FUNDC1: variants seen among roughly 807,000 people sequenced by gnomAD.
The protein encoded by FUNDC1 is FUN14 domain containing 1.
In FUNDC1, 10 loss-of-function variants were observed where a neutral mutation model predicts 14.5. The ratio of observed to expected loss-of-function variants is 0.69; its 90% CI spans 0.43 to 1.17. The LOEUF (loss-of-function observed/expected upper bound fraction) is 1.17, where lower values mean the gene tolerates loss of function less well. FUNDC1 is among the 50% of genes most tolerant of loss of function. The pLI, the probability that FUNDC1 is intolerant of heterozygous loss-of-function variation, is 0.00. For missense variants in FUNDC1, 115 were observed against 113.8 expected, an observed-to-expected ratio of 1.01 and a Z score of -0.05; for synonymous variants, 33 against 39.7, an observed-to-expected ratio of 0.83 and a Z score of 0.64.
chrX:44,541,201 G>A (rs1183509945), intron 2 of FUNDC1, among the ~76,000 whole-genome samples: 1 of 112,220 alleles, frequency 8.9e-6, no homozygotes, highest in African/African-American at 3.2e-5. Context: ...TTTCTCTACA[G>A]TCACGAACAT....
At chrX:44,530,563 G>A (rs952308446) in intron 3 of FUNDC1, among the ~76,000 whole-genome samples, 2 of 110,134 alleles carry the variant, frequency 1.8e-5, no homozygotes, top group South Asian at 3.9e-4. Context: ...CCGATATCAC[G>A]CCACTGCACT....
At chrX:44,535,570 C>G (rs754523572) in intron 3 of FUNDC1, among the ~76,000 whole-genome samples, 1 of 102,941 alleles carries the variant, frequency 9.7e-6, no homozygotes, top group Admixed American at 1.1e-4. Flanking sequence ...CTTGAGAGGC[C>G]GAGGCAGGAG....
chrX:44,532,560 T>A (rs1341266084), intron 3 of FUNDC1, among the ~76,000 whole-genome samples: 2 of 104,400 alleles, frequency 1.9e-5, no homozygotes, highest in African/African-American at 3.7e-5. Flanking sequence ...TATATATATT[T>A]TTTTTTTTTG....
In FUNDC1 at chrX:44,527,248, A is replaced by C; in HGVS notation, c.379T>G (p.Leu127Val). 4 of 1,175,854 alleles carry C rather than the reference A, an allele frequency of 3.4e-6. No homozygotes were observed. The highest frequency in any genetic ancestry group is 1.8e-5 in the African/African-American group (1 of 56,228). Reference protein sequence around the residue: ...ANKAAPEINNLIEEATEFIKQ... With the variant: ...ANKAAPEINNVIEEATEFIKQ... ...ATATATCATCTTACTTCTTCAATTA[A>C]ATTGTTGATTTCAGGTGCTGCTTTG... Residue 127 changes from leucine (L) to valine (V), a missense_variant, in exon 4 of 5, where the codon TTA becomes GTA. Physicochemically the swap from Leu to Val is conservative, Grantham distance 32 (BLOSUM62 1). Coordinates refer to ENST00000378045, the MANE Select transcript of FUNDC1 (RefSeq NM_173794.4).
chrX:44,524,078 G>A lies in FUNDC1; in HGVS notation c.*120C>T. 1 of 505,563 alleles carries A rather than the reference G, an allele frequency of 2.0e-6. No individual in the cohort carries two copies. The highest frequency in any genetic ancestry group is 3.5e-6 in the Non-Finnish European group (1 of 288,099). 41.7% of individuals were successfully genotyped at this position (505,563 alleles called of 1,213,427 possible). A position where few individuals can be genotyped will look rare whatever the true frequency, so the allele number is the denominator to read the frequency against. On this transcript the variant is annotated 3_prime_UTR_variant, in exon 5 of 5. Coordinates refer to ENST00000378045, the MANE Select transcript of FUNDC1 (RefSeq NM_173794.4). The stretch of plus-strand genomic sequence containing the variant: ...AATGCTAAGTTGTGAATTGAGTATT[G>A]TCCAGCTAGTTGTTTCTCCTTGCCC...
At chrX:44,532,088 C>G (rs777279833) in intron 3 of FUNDC1, among the ~76,000 whole-genome samples, 12 of 110,799 alleles carry the variant, frequency 1.1e-4, no homozygotes, top group Non-Finnish European at 2.1e-4. Flanking sequence ...TACACAGTGA[C>G]TCCCTTCCAA....
chrX:44,542,688 T>TAAA, intron 1 of FUNDC1, 117 bp downstream of exon 1: 1 of 649,486 alleles, frequency 1.5e-6, no homozygotes. Context: ...GGGGCTGCCT[T>TAAA]AAAAAAAAAA....
At chrX:44,535,939 T>C (rs868707062) in intron 3 of FUNDC1, among the ~76,000 whole-genome samples, 247 of 105,996 alleles carry the variant, frequency 2.3e-3, no homozygotes, top group African/African-American at 8.0e-3. Flanking sequence ...TGAGCCGAGA[T>C]TGTGCCATTG....
chrX:44,542,790 GC>G lies in FUNDC1; in HGVS notation c.28+14del. 8.6e-7 allele frequency: 1 copy of G among 1,165,821 alleles called. No individual in the cohort carries two copies. Among genetic ancestry groups the G allele is most frequent in the African/African-American group, 1.8e-5 (1 of 56,389 alleles). ...AGCCGCGTCCCAGATACCACTTCGGGCCCTGGCCGCTCACCTTGGGGAGGGG... is the reference window on the plus strand; with the variant it reads ...AGCCGCGTCCCAGATACCACTTCGGGCCTGGCCGCTCACCTTGGGGAGGGG... On this transcript the variant is annotated intron_variant, in intron 1 of 4. Transcript: ENST00000378045.
Position 44,529,080 on chromosome X carries a change from G to GT in FUNDC1, c.262-1716dup, listed in dbSNP as rs758009454. Reference sequence around the variant, plus strand: ...AAGACTTAACATTTTAAGTTACAAAGTTTTTTTTAAAAAGCTAATCTTCAT... The same window carrying GT: ...AAGACTTAACATTTTAAGTTACAAAGTTTTTTTTTAAAAAGCTAATCTTCAT... On this transcript the variant is annotated intron_variant, in intron 3 of 4. Transcript: ENST00000378045. Among the ~76,000 whole-genome samples, 5 of 111,181 alleles carry GT rather than the reference G, an allele frequency of 4.5e-5. No individual in the cohort carries two copies. The South Asian group carries it at 1.1e-3, about 25-fold the overall frequency.
rs749984434 is a variant in FUNDC1, at chrX:44,524,260, T to A, written c.406A>T (p.Lys136Ter). The A allele has an allele frequency of 8.3e-7, 1 of 1,199,029 alleles. No individual in the cohort carries two copies. Among genetic ancestry groups the A allele is most frequent in the South Asian group, 1.8e-5 (1 of 56,435 alleles). The change falls in exon 5 of 5, where the codon AAG (lysine) becomes TAG (stop). Residue 136 changes from lysine to a stop codon, truncating the protein, a stop_gained. Coordinates refer to ENST00000378045, the MANE Select transcript of FUNDC1 (RefSeq NM_173794.4). LOFTEE classifies it high-confidence loss of function. ...CCACTGGATATCACAATGTTCTGCT[T>A]GATAAATTCTGTTGCCTGAAACAAA... ...NLIEEATEFI[K>*]QNIVISSGFV...
intron 1 of FUNDC1, 100 bp from the exon 2 acceptor site, chrX:44,542,201 G>A (rs2038975067): frequency 1.6e-6 from 1 of 612,381 alleles, no homozygotes; most frequent in East Asian, 3.7e-5. Flanking sequence ...CATTAGTTCT[G>A]GCCTACAGCT....
At chrX:44,537,164 C>T (rs775333697) in intron 3 of FUNDC1, among the ~76,000 whole-genome samples, 3 of 111,673 alleles carry the variant, frequency 2.7e-5, no homozygotes, top group East Asian at 5.6e-4. Context: ...GTACTAAATG[C>T]GGAAAAGTGG....
intron 3 of FUNDC1, 98 bp downstream of exon 3, chrX:44,538,369 C>T (rs1056494199): frequency 3.4e-6 from 2 of 596,074 alleles, no homozygotes; most frequent in Non-Finnish European, 5.5e-6. Context: ...CAAAAGTCAG[C>T]TTCCAAAACT....
intron 3 of FUNDC1, among the ~76,000 whole-genome samples, chrX:44,537,938 C>G (rs2038954985): frequency 1.8e-5 from 2 of 112,671 alleles, no homozygotes; most frequent in African/African-American, 6.4e-5. Flanking sequence ...AAAACTAAAA[C>G]TTCAAATCTA....
At chrX:44,537,573 GT>G (rs1248683431) in intron 3 of FUNDC1, among the ~76,000 whole-genome samples, 2 of 112,015 alleles carry the variant, frequency 1.8e-5, no homozygotes, top group Non-Finnish European at 3.8e-5. Flanking sequence ...TTAAAAGGCT[GT>G]TTAGTGAACA....
chrX:44,534,983 T>C (rs2038941530), intron 3 of FUNDC1, among the ~76,000 whole-genome samples: 1 of 110,060 alleles, frequency 9.1e-6, no homozygotes, highest in Non-Finnish European at 1.9e-5. Flanking sequence ...CTCCCTATTA[T>C]ACAAAAATAC....
At chrX:44,532,514 G>C (rs2038929965) in intron 3 of FUNDC1, among the ~76,000 whole-genome samples, 1 of 106,314 alleles carries the variant, frequency 9.4e-6, no homozygotes, top group Admixed American at 1.0e-4. Flanking sequence ...ACAATCAAGA[G>C]GCTTAAATAT....
At chrX:44,532,231 C>T (rs1039097672) in intron 3 of FUNDC1, among the ~76,000 whole-genome samples, 24 of 109,045 alleles carry the variant, frequency 2.2e-4, no homozygotes, top group Admixed American at 8.0e-4. Flanking sequence ...CCCATCTCTA[C>T]GGAAAATACA....
Sources: gnomAD v4.1 joint callset for allele counts (sites outside exome capture counted in the v4.1 genomes callset) on GRCh38, gnomAD v4.1.1 for gene constraint, MANE v1.5 for transcripts, NCBI Gene and HGNC (gene_info 2026-07-23, HGNC 2026-07-21) for gene names.